TTC34: variants seen among roughly 807,000 people sequenced by gnomAD.
TTC34 encodes tetratricopeptide repeat protein 34.
A neutral mutation model predicts 40.7 loss-of-function variants in TTC34; 44 were observed. That is an observed-to-expected ratio of 1.08 (90% CI 0.85 to 1.39). The LOEUF (loss-of-function observed/expected upper bound fraction) is 1.39. Ranked by LOEUF, TTC34 falls within the 40% of genes most tolerant of loss-of-function variation. The probability of loss-of-function intolerance (pLI) is 0.00; values close to 1 mark genes in which losing one functional copy is unlikely to be tolerated. For synonymous variants in TTC34, 422 were observed against 398.6 expected (o/e 1.06, Z -0.70); for missense variants, 884 against 838.0 (o/e 1.05, Z -0.68).
chr1:2,785,234 T>C (rs1456463), intron 5 of TTC34, among the ~76,000 whole-genome samples: 10,883 of 151,284 alleles, frequency 0.072, 894 homozygotes, highest in African/African-American at 0.2. Context: ...GAGGGGTGCT[T>C]ACTAAGTGCA....
intron 8 of TTC34, 123 bp from the exon 9 acceptor site, chr1:2,642,018 C>T (rs1638918040): frequency 1.8e-6 from 2 of 1,134,994 alleles, no homozygotes; most frequent in South Asian, 1.7e-5. Flanking sequence ...ATGGCGGGGC[C>T]CTGGGCTGCA....
Position 2,787,427 on chromosome 1 carries a change from T to C in TTC34, c.1854+54A>G. 3 of 1,427,872 alleles carry C rather than the reference T, an allele frequency of 2.1e-6. No individual in the cohort carries two copies. The South Asian group carries it at 4.5e-5, about 21-fold the overall frequency. The allele number at this position is 1,427,872 out of a possible 1,614,324, so 88.5% of individuals were successfully genotyped here. On this transcript the variant is annotated intron_variant, in intron 4 of 8. Coordinates refer to ENST00000401095, the Ensembl canonical transcript of TTC34. ...AGGGCCACGGGAGGCCTGTGCCCTCTTCCCAGCTGGGCCCATTTCCACCTG... is the reference window on the plus strand; with the variant it reads ...AGGGCCACGGGAGGCCTGTGCCCTCCTCCCAGCTGGGCCCATTTCCACCTG...
At chr1:2,642,522 G>A (rs763376613) in intron 8 of TTC34, among the ~76,000 whole-genome samples, 2 of 152,110 alleles carry the variant, frequency 1.3e-5, no homozygotes, top group Admixed American at 6.5e-5. Context: ...CACTCCTCCC[G>A]GGCACTTTCC....
chr1:2,790,304 G>A, exon 3 of TTC34: 1 of 398,430 alleles, frequency 2.5e-6, no homozygotes, highest in Middle Eastern at 6.3e-4. Flanking sequence ...CAGGAAGAAG[G>A]CCGAGGCCGC....
At chr1:2,674,731 G>A (rs1639831557) in intron 6 of TTC34, among the ~76,000 whole-genome samples, 3 of 52,456 alleles carry the variant, frequency 5.7e-5, no homozygotes, top group East Asian at 8.3e-4. Context: ...CCCCAGGTGA[G>A]CATCCGACAG....
rs767926748 is a variant in TTC34, at chr1:2,796,768, G to A, written c.784+3276C>T. Reference sequence around the variant, plus strand: ...CTCCTTCCTCAGAAGCTCACGATTCGGTGTGACTTTGTTGATCATTTTCTG... The same window carrying A: ...CTCCTTCCTCAGAAGCTCACGATTCAGTGTGACTTTGTTGATCATTTTCTG... On this transcript the variant is annotated intron_variant, in intron 2 of 8. Coordinates refer to ENST00000401095, the Ensembl canonical transcript of TTC34. The surrounding 1 kb of genome is among the most constrained non-coding windows in gnomAD (Gnocchi z 4.5). Among the ~76,000 whole-genome samples the A allele has an allele frequency of 1.2e-4, 19 of 152,172 alleles. No individual in the cohort carries two copies. Among genetic ancestry groups the A allele is most frequent in the East Asian group, 9.7e-4 (5 of 5,172 alleles).
intron 6 of TTC34, among the ~76,000 whole-genome samples, chr1:2,655,113 A>G: frequency 6.7e-6 from 1 of 149,992 alleles, no homozygotes; most frequent in East Asian, 2.0e-4. Flanking sequence ...AGCATCCAAC[A>G]GCCTGGAACA....
rs558856372 is a variant in TTC34, at chr1:2,639,570, T to C, written c.*1798A>G. ...ACTTGCGTGTCCCTGAACTTAGCTC[T>C]TGGGCTGCTGACAGGTGTTTGTTGA... On this transcript the variant is annotated 3_prime_UTR_variant, in exon 9 of 9. Transcript: ENST00000401095. 2.6e-5 allele frequency: 4 copies of C among 152,580 alleles called. No individual in the cohort carries two copies. In the East Asian group the frequency reaches 7.7e-4, roughly 29 times the overall value. The allele number at this position is 152,580 out of a possible 1,614,324, so 9.5% of individuals were successfully genotyped here.
At chr1:2,657,387 G>A (rs1326038841) in intron 6 of TTC34, among the ~76,000 whole-genome samples, 1 of 94,598 alleles carries the variant, frequency 1.1e-5, no homozygotes, top group Non-Finnish European at 2.8e-5. Context: ...ACACCCCGAG[G>A]TGAGCATCTG....
intron 6 of TTC34, among the ~76,000 whole-genome samples, chr1:2,780,961 CA>C (rs2100617242): frequency 6.6e-6 from 1 of 152,216 alleles, no homozygotes; most frequent in South Asian, 2.1e-4. Flanking sequence ...TTTCATTGTA[CA>C]AATCTTTCAC....
At chr1:2,750,830 T>A in intron 6 of TTC34, among the ~76,000 whole-genome samples, 1 of 129,618 alleles carries the variant, frequency 7.7e-6, no homozygotes, top group Non-Finnish European at 1.6e-5. Context: ...TCTGACAGCC[T>A]GGAGCAGTAC....
intron 6 of TTC34, among the ~76,000 whole-genome samples, chr1:2,749,052 GA>G (rs1641234460): frequency 7.1e-6 from 1 of 140,368 alleles, no homozygotes. Context: ...CCCCAGGTGA[GA>G]ATCCGACAGC....
chr1:2,673,271 C>T (rs1323961674), intron 6 of TTC34, among the ~76,000 whole-genome samples: 98 of 77,900 alleles, frequency 1.3e-3, no homozygotes, highest in Admixed American at 2.3e-3. Flanking sequence ...GAGCAGCATC[C>T]ACACCCCCAG....
rs1383948997 is a variant in TTC34, at chr1:2,796,059, C to T, written c.784+3985G>A. ...GGATTAATGCAAGTTCAGCCCCTTT[C>T]GCCTCTTTGCTCTTCTGTCTTGTGC... On this transcript the variant is annotated intron_variant, in intron 2 of 8. Transcript: ENST00000401095. This position sits in a 1 kb window ranked among gnomAD's most constrained non-coding sequence, Gnocchi z 4.5. Among the ~76,000 whole-genome samples the T allele has an allele frequency of 2.0e-5, 3 of 152,314 alleles. No homozygotes were observed. The highest frequency in any genetic ancestry group is 6.5e-5 in the Admixed American group (1 of 15,300).
chr1:2,647,643 A>AT (rs1010035850), intron 6 of TTC34, among the ~76,000 whole-genome samples: 3 of 151,064 alleles, frequency 2.0e-5, no homozygotes, highest in South Asian at 2.1e-4. Flanking sequence ...CTTCTAGAAA[A>AT]TTTTTTTTTC....
chr1:2,751,481 C>A (rs1641317532), intron 6 of TTC34, among the ~76,000 whole-genome samples: 1 of 113,854 alleles, frequency 8.8e-6, no homozygotes, highest in African/African-American at 3.9e-5. Flanking sequence ...GGAACTGCAC[C>A]CCCATGCCCA....
At chr1:2,790,396 G>A (rs1361093431) in intron 2 of TTC34, 50 bp from the exon 3 acceptor site, 2 of 398,162 alleles carry the variant, frequency 5.0e-6, no homozygotes, top group Admixed American at 4.4e-5. Context: ...CCGACTCCCC[G>A]GGGGTGCCAC....
At chr1:2,750,635 AGCACCCACACCCCCAG>A (rs1641286879) in intron 6 of TTC34, among the ~76,000 whole-genome samples, 2 of 106,908 alleles carry the variant, frequency 1.9e-5, no homozygotes, top group African/African-American at 7.4e-5. Context: ...AGCCTGGAGC[AGCACCCACACCCCCAG>A]GTGAGCATCT....
intron 6 of TTC34, among the ~76,000 whole-genome samples, chr1:2,758,439 C>G (rs1641577149): frequency 1.2e-5 from 1 of 84,636 alleles, no homozygotes; most frequent in East Asian, 3.3e-4. Context: ...CCCTGCACCC[C>G]CAGGTGCGCA....
Sources: allele counts gnomAD v4.1 joint callset (sites outside exome capture counted in the v4.1 genomes callset), GRCh38; gene constraint gnomAD v4.1.1; non-coding constraint Gnocchi (gnomAD v3.1); transcripts MANE v1.5; gene names NCBI Gene and HGNC (gene_info 2026-07-23, HGNC 2026-07-21).